The following CD58 variants were observed in gnomAD, a reference collection of about 807,000 sequenced individuals.
CD58 encodes CD58 molecule.
CD58 carries 14 observed loss-of-function variants against 27.6 expected under a neutral mutation model. The observed-to-expected ratio is 0.51, with a 90% CI of 0.34 to 0.79. CD58 has a LOEUF of 0.79. Among genes scored for constraint, CD58 ranks in the 30% least tolerant of loss-of-function variants. The pLI, the probability that CD58 is intolerant of heterozygous loss-of-function variation, is 0.02. For missense variants in CD58, 268 were observed against 301.7 expected (o/e 0.89, Z 0.83); for synonymous variants, 117 against 103.8 (o/e 1.13, Z -0.77).
At chr1:116,547,357 C>T (rs1166437287) in intron 1 of CD58, among the ~76,000 whole-genome samples, 8 of 148,142 alleles carry the variant, frequency 5.4e-5, no homozygotes, top group Non-Finnish European at 7.4e-5. Context: ...GACAGAGTCT[C>T]GCTCTGTCCC....
chr1:116,533,966 C>T, intron 3 of CD58: 2 of 1,430,516 alleles, frequency 1.4e-6, no homozygotes, highest in East Asian at 2.3e-5. Flanking sequence ...TCAAGTCGCT[C>T]CTGTAAAGCT....
chr1:116,547,352 AGTCTC>A (rs1373804574), intron 1 of CD58, among the ~76,000 whole-genome samples: 1 of 147,030 alleles, frequency 6.8e-6, no homozygotes, highest in East Asian at 2.0e-4. Context: ...TTTGAGACAG[AGTCTC>A]GCTCTGTCCC....
rs954475226 is a variant in CD58 at position 116,527,632 on chromosome 1, A to C, written c.629-5649T>G. Among the ~76,000 whole-genome samples the C allele has an allele frequency of 1.3e-5, 2 of 152,052 alleles. No homozygotes were observed. Among genetic ancestry groups the C allele is most frequent in the African/African-American group, 2.4e-5 (1 of 41,400 alleles). On this transcript the variant is annotated intron_variant, in intron 3 of 5. Transcript: ENST00000369489. This position sits in a 1 kb window ranked among gnomAD's most constrained non-coding sequence, Gnocchi z 4.4. ...ATGTTCATGAGAAATATTTGTCTTA[A>C]TTTTCTTTTCTTGTATTGTTCTTTG...
In CD58 at chr1:116,571,019, CTAAGT is replaced by C; in HGVS notation, c.-52_-48del. 1 of 1,491,200 alleles carries C rather than the reference CTAAGT, an allele frequency of 6.7e-7. No homozygotes were observed. Among genetic ancestry groups the C allele is most frequent in the Non-Finnish European group, 9.0e-7 (1 of 1,113,270 alleles). 92.4% of individuals were successfully genotyped at this position (1,491,200 alleles called of 1,614,324 possible). ...CGCGAGTGCCCAGCCACAAGCAGCC[CTAAGT>C]TCAAGCACCGCCTACGCGGTCGGCC... is the stretch of plus-strand genomic sequence containing the variant. On this transcript the variant is annotated 5_prime_UTR_variant, in exon 1 of 6. Transcript: ENST00000369489.
chr1:116,547,519 C>CG (rs1367413059), intron 1 of CD58, among the ~76,000 whole-genome samples: 3 of 151,624 alleles, frequency 2.0e-5, no homozygotes, highest in Non-Finnish European at 4.4e-5. Context: ...TTAGTAAAGA[C>CG]GGGGTTTCAC....
intron 1 of CD58, among the ~76,000 whole-genome samples, chr1:116,553,592 G>A (rs1482510708): frequency 6.6e-6 from 1 of 152,198 alleles, no homozygotes; most frequent in Non-Finnish European, 1.5e-5. Context: ...AGGAAACACA[G>A]CAGGAAGACT....
At position 116,557,822 on chromosome 1, in the gene CD58, T is replaced by A. The variant is rs144133077; in HGVS notation, c.70+13081A>T. Among the ~76,000 whole-genome samples the A allele has an allele frequency of 6.1e-4, 93 of 152,006 alleles. No individual in the cohort carries two copies. The highest frequency in any genetic ancestry group is 1.9e-3 in the African/African-American group (80 of 41,470). On this transcript the variant is annotated intron_variant, in intron 1 of 5. Transcript: ENST00000369489. This position sits in a 1 kb window ranked among gnomAD's most constrained non-coding sequence, Gnocchi z 5.2. The stretch of plus-strand genomic sequence containing the variant: ...CCAAGTAGCTAGAACTACAGTTGCA[T>A]GCCACCACGCCCAGCTAATTTTTAT...
rs1219693480 is a variant in CD58 at position 116,557,915 on chromosome 1, C to G, written c.70+12988G>C. On this transcript the variant is annotated intron_variant, in intron 1 of 5. Transcript: ENST00000369489. The surrounding 1 kb of genome is among the most constrained non-coding windows in gnomAD (Gnocchi z 5.2). ...TCTCAAACTCGTGGGCTCAAGTGAT[C>G]CTCCTCCCTGGGCCTTCTGAAGTGC... 5.3e-5 allele frequency among the ~76,000 whole-genome samples: 8 copies of G among 152,056 alleles called. No individual in the cohort carries two copies. Among genetic ancestry groups the G allele is most frequent in the Non-Finnish European group, 1.2e-4 (8 of 68,006 alleles).
chr1:116,566,536 C>A (rs1025650851), intron 1 of CD58, among the ~76,000 whole-genome samples: 6 of 152,166 alleles, frequency 3.9e-5, no homozygotes, highest in African/African-American at 1.4e-4. Flanking sequence ...AACCAGGGAA[C>A]CTAATGATTC....
chr1:116,533,756 C>T (rs1466673393), intron 3 of CD58: 18 of 709,978 alleles, frequency 2.5e-5, no homozygotes, highest in Non-Finnish European at 7.8e-6. Flanking sequence ...GGTTCAACAT[C>T]ACCGGTGATA....
rs1005136160 is a variant in CD58, at chr1:116,522,545, T to A, written c.629-562A>T. Among the ~76,000 whole-genome samples the A allele has an allele frequency of 6.6e-6, 1 of 152,230 alleles. No individual in the cohort carries two copies. Among genetic ancestry groups the A allele is most frequent in the Non-Finnish European group, 1.5e-5 (1 of 68,046 alleles). On this transcript the variant is annotated intron_variant, in intron 3 of 5. Coordinates refer to ENST00000369489, the MANE Select transcript of CD58 (RefSeq NM_001779.3). This position sits in a 1 kb window ranked among gnomAD's most constrained non-coding sequence, Gnocchi z 4.6. ...AAACAGATCATTAACAAAAATCTTA[T>A]GACTAGAGGCTCACAGGAACCTACC...
chr1:116,562,809 G>A (rs185852869), intron 1 of CD58, among the ~76,000 whole-genome samples: 99 of 152,202 alleles, frequency 6.5e-4, no homozygotes, highest in African/African-American at 1.9e-3. Flanking sequence ...CTTGACACAC[G>A]GGGATTATTA....
In CD58 at chr1:116,570,630, G is replaced by A. The variant is rs572792047; in HGVS notation, c.70+273C>T. 4.8e-4 allele frequency among the ~76,000 whole-genome samples: 73 copies of A among 152,304 alleles called. No individual in the cohort carries two copies. The highest frequency in any genetic ancestry group is 8.3e-4 in the South Asian group (4 of 4,834). On this transcript the variant is annotated intron_variant, in intron 1 of 5. Transcript: ENST00000369489. The surrounding 1 kb of genome is among the most constrained non-coding windows in gnomAD (Gnocchi z 6.4). ...GAGCTCGGGAGGGGGCCGGCGGGGG[G>A]GCGCAGGCCCCGCAGGAGAGGCTAG...
In CD58 at chr1:116,519,416, A is replaced by G; in HGVS notation, c.707-149T>C. The G allele has an allele frequency of 1.4e-6, 1 of 732,992 alleles. No homozygotes were observed. Among genetic ancestry groups the G allele is most frequent in the Non-Finnish European group, 2.4e-6 (1 of 421,136 alleles). 45.4% of individuals were successfully genotyped at this position (732,992 alleles called of 1,614,324 possible). On this transcript the variant is annotated intron_variant, in intron 4 of 5. Coordinates refer to ENST00000369489, the MANE Select transcript of CD58 (RefSeq NM_001779.3). The surrounding 1 kb of genome is among the most constrained non-coding windows in gnomAD (Gnocchi z 4.7). ...ATTTCCTGCTATCCTATATGCTTTAAATCAAATCGGCTACAGAGCTGGTCC... is the reference window on the plus strand; with the variant it reads ...ATTTCCTGCTATCCTATATGCTTTAGATCAAATCGGCTACAGAGCTGGTCC...
At position 116,544,408 on chromosome 1, in the gene CD58, G is replaced by A. The variant is rs1658086689; in HGVS notation, c.267C>T (p.Ser89=). The A allele has an allele frequency of 1.2e-6, 2 of 1,612,638 alleles. No individual in the cohort carries two copies. The highest frequency in any genetic ancestry group is 2.7e-5 in the African/African-American group (2 of 74,886). ...NRVYLDTVSG[S]LTIYNLTSSD... is the part of the protein sequence containing the mutation. ...ATGATGTTAAGTTGTAGATAGTGAG[G>A]CTACCTGACACAGTGTCTAAATAAA... Residue 89 remains serine (S), a synonymous_variant, in exon 2 of 6, where the codon AGC becomes AGT. Transcript: ENST00000369489.
chr1:116,542,897 G>A (rs1658037311), intron 2 of CD58, among the ~76,000 whole-genome samples: 1 of 152,208 alleles, frequency 6.6e-6, no homozygotes, highest in South Asian at 2.1e-4. Flanking sequence ...AGTGAAATAA[G>A]AAGCAAAGCC....
Position 116,521,850 on chromosome 1 carries a change from A to G in CD58, c.706+56T>C. On this transcript the variant is annotated intron_variant, in intron 4 of 5. Coordinates refer to ENST00000369489, the MANE Select transcript of CD58 (RefSeq NM_001779.3). The surrounding 1 kb of genome is among the most constrained non-coding windows in gnomAD (Gnocchi z 5.6). ...ATTTTCATCCTTAAACTATTTTCTG[A>G]CCTTTGGAAAACAATGCAAGTTTTC... The G allele has an allele frequency of 9.9e-7, 1 of 1,007,108 alleles. No homozygotes were observed. Among genetic ancestry groups the G allele is most frequent in the Non-Finnish European group, 1.5e-6 (1 of 651,606 alleles). 62.4% of individuals were successfully genotyped at this position (1,007,108 alleles called of 1,614,324 possible).
At chr1:116,555,928 C>G (rs1571085472) in intron 1 of CD58, among the ~76,000 whole-genome samples, 1 of 152,056 alleles carries the variant, frequency 6.6e-6, no homozygotes, top group Non-Finnish European at 1.5e-5. Flanking sequence ...ATGGCCCTGG[C>G]TCTGTGCCAG....
Position 116,570,952 on chromosome 1 carries a change from C to A in CD58, c.21G>T (p.Ala7=). Residue 7 remains alanine, a synonymous_variant, in exon 1 of 6, where the codon GCG becomes GCT. Transcript: ENST00000369489. The surrounding 1 kb of genome is among the most constrained non-coding windows in gnomAD (Gnocchi z 6.4). MVAGSD[A]GRALGVLSVV... Reference sequence around the variant, plus strand: ...CGCTGAGGACCCCCAGGGCCCGCCCCGCGTCGCTCCCAGCAACCATGGCTC... The same window carrying A: ...CGCTGAGGACCCCCAGGGCCCGCCCAGCGTCGCTCCCAGCAACCATGGCTC... The A allele has an allele frequency of 6.4e-7, 1 of 1,564,056 alleles. No homozygotes were observed. The highest frequency in any genetic ancestry group is 8.6e-7 in the Non-Finnish European group (1 of 1,161,518).
Sources: gnomAD v4.1 joint callset for allele counts (sites outside exome capture counted in the v4.1 genomes callset) on GRCh38, gnomAD v4.1.1 for gene constraint, Gnocchi (gnomAD v3.1) non-coding constraint, MANE v1.5 for transcripts, NCBI Gene and HGNC (gene_info 2026-07-23, HGNC 2026-07-21) for gene names.